The following NCAM2 variants were observed in gnomAD, a reference collection of about 807,000 sequenced individuals.
NCAM2 encodes the protein neural cell adhesion molecule 2, also known as N-CAM-2.
NCAM2 carries 30 observed loss-of-function variants against 98.1 expected under a neutral mutation model. That is an observed-to-expected ratio of 0.31 (90% CI 0.23 to 0.41). NCAM2 has a LOEUF of 0.41. Among genes scored for constraint, NCAM2 ranks in the 10% least tolerant of loss-of-function variants. The probability of loss-of-function intolerance (pLI) is 1.00; values close to 1 mark genes in which losing one functional copy is unlikely to be tolerated. For missense variants in NCAM2, 867 were observed against 1,005.8 expected (o/e 0.86, Z 1.87); for synonymous variants, 368 against 342.4 (o/e 1.07, Z -0.83).
intron 9 of NCAM2, among the ~76,000 whole-genome samples, chr21:21,396,719 G>T (rs1026361764): frequency 1.3e-5 from 2 of 152,106 alleles, no homozygotes; most frequent in African/African-American, 4.8e-5. Context: ...TATCTCAAGG[G>T]GCTTCCACTG....
Position 21,432,262 on chromosome 21 carries a change from A to G in NCAM2, c.1635A>G (p.Val545=). The change falls in exon 12 of 18, where the codon GTA becomes GTG. Residue 545 remains valine, a synonymous_variant. Transcript: ENST00000400546. ...TAGCGTCAGAAATCTGGAAAATTGT[A>G]CGCTCCCATGGAGTTCAAAGTGAGT... is the stretch of plus-strand genomic sequence containing the variant. The part of the protein sequence containing the change: ...KEVASEIWKI[V]RSHGVQTMVV... The G allele has an allele frequency of 6.2e-7, 1 of 1,614,020 alleles. No individual in the cohort carries two copies. The highest frequency in any genetic ancestry group is 8.5e-7 in the Non-Finnish European group (1 of 1,179,938).
chr21:21,014,497 C>CA (rs1407076724), intron 1 of NCAM2, among the ~76,000 whole-genome samples: 1 of 151,668 alleles, frequency 6.6e-6, no homozygotes, highest in East Asian at 1.9e-4. Flanking sequence ...GCTGGGATGA[C>CA]AGCACATCTG....
At chr21:21,435,249 C>T (rs2077443336) in intron 12 of NCAM2, among the ~76,000 whole-genome samples, 1 of 152,154 alleles carries the variant, frequency 6.6e-6, no homozygotes, top group Admixed American at 6.5e-5. Context: ...ATCTCTTTCT[C>T]ATTTTCTTTC....
chr21:21,035,072 C>T (rs1055542193), intron 1 of NCAM2, among the ~76,000 whole-genome samples: 3 of 152,088 alleles, frequency 2.0e-5, no homozygotes, highest in African/African-American at 4.8e-5. Flanking sequence ...GTTCTCAGAC[C>T]TGTCAAAAAG....
chr21:21,453,851 A>G (rs1331878297), intron 12 of NCAM2, among the ~76,000 whole-genome samples: 1 of 152,116 alleles, frequency 6.6e-6, no homozygotes, highest in Non-Finnish European at 1.5e-5. Flanking sequence ...ATTAGTCCTT[A>G]GAATATAAGG....
intron 1 of NCAM2, among the ~76,000 whole-genome samples, chr21:21,123,748 A>G (rs1434734528): frequency 6.6e-6 from 1 of 151,894 alleles, no homozygotes; most frequent in Non-Finnish European, 1.5e-5. Flanking sequence ...ACTTTTCTTT[A>G]TAACAACCTT....
rs1318738642 is a variant in NCAM2 at position 21,341,128 on chromosome 21, T to G, written c.1044+2594T>G. On this transcript the variant is annotated intron_variant, in intron 8 of 17. Transcript: ENST00000400546. ...TTAGAAATGAAATTACATATGAGAA[T>G]GGTCAAGTCACGCTTGAAGCATAGT... Among the ~76,000 whole-genome samples, 3 of 152,142 alleles carry G rather than the reference T, an allele frequency of 2.0e-5. No homozygotes were observed. In the East Asian group the frequency reaches 5.8e-4, roughly 29 times the overall value.
chr21:20,998,476 A>G lies in NCAM2; in HGVS notation c.-88A>G. 5.1e-6 allele frequency: 7 copies of G among 1,381,820 alleles called. No individual in the cohort carries two copies. Among genetic ancestry groups the G allele is most frequent in the Non-Finnish European group, 5.0e-6 (5 of 1,000,484 alleles). The allele number at this position is 1,381,820 out of a possible 1,614,324, so 85.6% of individuals were successfully genotyped here. ...CCGCGGGAGCGGCGGCGGCGGCTCT[A>G]GCAGAGGCGGCCGGGGCAGCGAAAG... On this transcript the variant is annotated 5_prime_UTR_variant, in exon 1 of 18. Transcript: ENST00000400546.
At chr21:21,153,016 C>G (rs1199941979) in intron 1 of NCAM2, among the ~76,000 whole-genome samples, 1 of 151,900 alleles carries the variant, frequency 6.6e-6, no homozygotes, top group Admixed American at 6.6e-5. Flanking sequence ...TCAGGGTGAT[C>G]TAGTTTTTCC....
intron 9 of NCAM2, among the ~76,000 whole-genome samples, chr21:21,386,316 G>A (rs2076270796): frequency 6.6e-6 from 1 of 152,116 alleles, no homozygotes; most frequent in African/African-American, 2.4e-5. Context: ...CTTGGTCATA[G>A]CAGACACACA....
intron 1 of NCAM2, among the ~76,000 whole-genome samples, chr21:21,153,164 A>C (rs1355189662): frequency 1.3e-5 from 2 of 149,458 alleles, no homozygotes; most frequent in African/African-American, 2.5e-5. Context: ...AGCCATGGAA[A>C]ATTCACTATT....
chr21:21,387,185 C>T (rs1602184355), intron 9 of NCAM2, among the ~76,000 whole-genome samples: 2 of 70,344 alleles, frequency 2.8e-5, no homozygotes, highest in Admixed American at 2.6e-4. Flanking sequence ...CGCACACACA[C>T]ATACACACAC....
chr21:21,521,985 C>A (rs564475533), intron 16 of NCAM2, among the ~76,000 whole-genome samples: 1 of 149,390 alleles, frequency 6.7e-6, no homozygotes, highest in South Asian at 2.1e-4. Flanking sequence ...ATTCAAACTG[C>A]AGAAAATTAA....
At chr21:21,481,577 A>G (rs1278128658) in intron 15 of NCAM2, among the ~76,000 whole-genome samples, 1 of 152,134 alleles carries the variant, frequency 6.6e-6, no homozygotes, top group Non-Finnish European at 1.5e-5. Flanking sequence ...AAGTTTTTCT[A>G]TGAAGGTGAG....
chr21:21,215,478 G>T lies in NCAM2; in HGVS notation c.56-65100G>T, dbSNP rs577082914. Among the ~76,000 whole-genome samples the T allele has an allele frequency of 2.6e-5, 4 of 152,198 alleles. No homozygotes were observed. In the East Asian group the frequency reaches 5.8e-4, roughly 22 times the overall value. On this transcript the variant is annotated intron_variant, in intron 1 of 17. Transcript: ENST00000400546. ...TGTGTGCCTGTAATCCCAGCACTTT[G>T]GAGGCCGAGGTGGGCAAATCTCTTG...
intron 5 of NCAM2, among the ~76,000 whole-genome samples, chr21:21,310,968 A>G (rs2074031153): frequency 6.6e-6 from 1 of 152,210 alleles, no homozygotes; most frequent in Non-Finnish European, 1.5e-5. Context: ...TTCTCAGGAA[A>G]TATTTCTTTC....
intron 6 of NCAM2, among the ~76,000 whole-genome samples, chr21:21,327,130 A>G (rs1186671614): frequency 6.6e-6 from 1 of 152,122 alleles, no homozygotes; most frequent in East Asian, 1.9e-4. Flanking sequence ...TGCTGGGATT[A>G]CAGGCGCAAG....
chr21:21,449,771 T>G (rs1980747575), intron 12 of NCAM2, among the ~76,000 whole-genome samples: 1 of 152,098 alleles, frequency 6.6e-6, no homozygotes, highest in Admixed American at 6.6e-5. Context: ...AGCAAGATTC[T>G]AATCTTCTAT....
chr21:21,498,365 A>G (rs1329327979), intron 15 of NCAM2, among the ~76,000 whole-genome samples: 1 of 152,160 alleles, frequency 6.6e-6, no homozygotes, highest in Non-Finnish European at 1.5e-5. Context: ...TTCATAGATA[A>G]CAATGCTTTT....
Sources: allele counts gnomAD v4.1 joint callset (sites outside exome capture counted in the v4.1 genomes callset), GRCh38; gene constraint gnomAD v4.1.1; transcripts MANE v1.5; gene names NCBI Gene and HGNC (gene_info 2026-07-23, HGNC 2026-07-21).